Variants in PACSIN2 observed in about 807,000 individuals in gnomAD.
PACSIN2 encodes protein kinase C and casein kinase substrate in neurons protein 2.
PACSIN2 carries 25 observed loss-of-function variants against 63.8 expected under a neutral mutation model. That is an observed-to-expected ratio of 0.39 (90% CI 0.29 to 0.55). PACSIN2 has a LOEUF of 0.55. Among genes scored for constraint, PACSIN2 ranks in the 20% least tolerant of loss-of-function variants. The pLI is 0.62. For synonymous variants in PACSIN2, 255 were observed against 256.2 expected, an observed-to-expected ratio of 1.00 and a Z score of 0.05; for missense variants, 518 against 646.9, an observed-to-expected ratio of 0.80 and a Z score of 2.16.
At chr22:42,983,181 G>A (rs1298702856) in intron 1 of PACSIN2, among the ~76,000 whole-genome samples, 2 of 151,978 alleles carry the variant, frequency 1.3e-5, no homozygotes, top group African/African-American at 4.8e-5. Flanking sequence ...GCCGGCTGTG[G>A]TGACGCACAC....
At chr22:43,004,487 G>A (rs950578440) in intron 1 of PACSIN2, among the ~76,000 whole-genome samples, 1 of 152,146 alleles carries the variant, frequency 6.6e-6, no homozygotes, top group South Asian at 2.1e-4. Flanking sequence ...TGGCGAGCAG[G>A]CAGCCAGCTC....
intron 6 of PACSIN2, among the ~76,000 whole-genome samples, chr22:42,883,596 T>C (rs1204245596): frequency 1.3e-5 from 2 of 152,246 alleles, no homozygotes; most frequent in African/African-American, 4.8e-5. Flanking sequence ...GGGTATGTGC[T>C]GTCCTGGGGG....
At chr22:42,901,178 A>G (rs2146694675) in intron 2 of PACSIN2, among the ~76,000 whole-genome samples, 1 of 152,262 alleles carries the variant, frequency 6.6e-6, no homozygotes, top group East Asian at 1.9e-4. Context: ...CCTGGAGAGG[A>G]AGGGTCAAGG....
intron 9 of PACSIN2, 95 bp downstream of exon 9, chr22:42,876,793 T>C (rs1211428995): frequency 1.1e-5 from 17 of 1,525,316 alleles, no homozygotes; most frequent in African/African-American, 2.7e-5. Flanking sequence ...GCTCCGTGCA[T>C]TGCCGAGTGC....
Position 42,878,326 on chromosome 22 carries a change from TG to T in PACSIN2, c.1028+721del, listed in dbSNP as rs112848425. Among the ~76,000 whole-genome samples, 1,060 of 152,264 alleles carry T rather than the reference TG, an allele frequency of 7.0e-3. 17 individuals are homozygous for T. Among genetic ancestry groups the T allele is most frequent in the African/African-American group, 0.025 (1,022 of 41,544 alleles). The stretch of plus-strand genomic sequence containing the variant: ...AGCCACACCTGCTGGGGAGCCTGGG[TG>T]GGGGCTTCAGTGCCTGGGGCTGCAG... On this transcript the variant is annotated intron_variant, in intron 8 of 10. Coordinates refer to ENST00000263246, the MANE Select transcript of PACSIN2 (RefSeq NM_001184970.3).
intron 1 of PACSIN2, among the ~76,000 whole-genome samples, chr22:42,952,291 C>T (rs78167032): frequency 1.3e-3 from 200 of 152,106 alleles, no homozygotes; most frequent in Non-Finnish European, 2.4e-3. Context: ...ATCTTAATGA[C>T]TCTCCTGTTG....
intron 2 of PACSIN2, among the ~76,000 whole-genome samples, chr22:42,900,846 A>G (rs1930635150): frequency 6.6e-6 from 1 of 152,198 alleles, no homozygotes; most frequent in Non-Finnish European, 1.5e-5. Context: ...TGCAACAGAA[A>G]GAGAGGCCAC....
Position 42,879,084 on chromosome 22 carries a change from T to G in PACSIN2, c.992A>C (p.Gln331Pro). Residue 331 changes from glutamine to proline, a missense_variant, in exon 8 of 11, where the codon CAG becomes CCG. This residue lies in a region of PACSIN2 where 507 missense variants were observed against 612.3 expected (regional missense o/e 0.83). Transcript: ENST00000263246. ...ACTCGGCAGAGACTGGTCGCCTGTC[T>G]GGTTGATGCCCGTCAGGGTGACGCC... The part of the protein sequence containing the change: ...TDGVTLTGIN[Q>P]TGDQSLPSKP... The G allele has an allele frequency of 1.2e-6, 2 of 1,614,172 alleles. No homozygotes were observed. Among genetic ancestry groups the G allele is most frequent in the Non-Finnish European group, 1.7e-6 (2 of 1,180,006 alleles).
chr22:42,979,523 C>CAAAAAAAAAAA (rs768725896), intron 1 of PACSIN2, among the ~76,000 whole-genome samples: 1 of 61,644 alleles, frequency 1.6e-5, no homozygotes, highest in African/African-American at 6.2e-5. Context: ...GACTCCCTCT[C>CAAAAAAAAAAA]AAAAAAAAAA....
At chr22:42,894,335 G>C (rs1930132112) in intron 2 of PACSIN2, among the ~76,000 whole-genome samples, 1 of 152,074 alleles carries the variant, frequency 6.6e-6, no homozygotes, top group Non-Finnish European at 1.5e-5. Flanking sequence ...CCGCATCCCA[G>C]GTTCAAGTGA....
chr22:42,934,192 G>A (rs917280521), intron 1 of PACSIN2, among the ~76,000 whole-genome samples: 3 of 152,224 alleles, frequency 2.0e-5, no homozygotes, highest in Admixed American at 6.5e-5. Flanking sequence ...GTATGGAAAC[G>A]TGCAGAGAGC....
chr22:43,013,336 T>C (rs1330398216), intron 1 of PACSIN2, among the ~76,000 whole-genome samples: 1 of 152,214 alleles, frequency 6.6e-6, no homozygotes, highest in Non-Finnish European at 1.5e-5. Context: ...TTTAAGTCTA[T>C]TGTCAAAAGA....
intron 3 of PACSIN2, 45 bp downstream of exon 3, chr22:42,893,412 G>A (rs1339190834): frequency 1.3e-6 from 2 of 1,595,928 alleles, no homozygotes; most frequent in East Asian, 2.2e-5. Flanking sequence ...CCCGGCTGGG[G>A]TGTAGCTGCC....
chr22:42,897,920 G>A (rs373345978), intron 2 of PACSIN2, among the ~76,000 whole-genome samples: 1 of 152,222 alleles, frequency 6.6e-6, no homozygotes, highest in African/African-American at 2.4e-5. Flanking sequence ...AGTCAGCTGG[G>A]AATGGAACAC....
At position 42,876,872 on chromosome 22, in the gene PACSIN2, G is replaced by A; in HGVS notation, c.1151+16C>T. On this transcript the variant is annotated intron_variant, in intron 9 of 10. Transcript: ENST00000263246. ...AGTGAGCGCGGTGGGAGCAGAGGAA[G>A]CATTTGTTCACCAACTTTTTGGCCT... The A allele has an allele frequency of 6.2e-7, 1 of 1,613,960 alleles. No homozygotes were observed.
chr22:42,911,972 C>T, intron 2 of PACSIN2, 49 bp downstream of exon 2: 10 of 1,398,238 alleles, frequency 7.2e-6, no homozygotes, highest in Non-Finnish European at 9.0e-6. Flanking sequence ...GCCTGCCAGA[C>T]ACTATTGGCC....
intron 1 of PACSIN2, among the ~76,000 whole-genome samples, chr22:43,012,307 C>CAAAA (rs35192048): frequency 3.9e-5 from 2 of 51,806 alleles, no homozygotes; most frequent in African/African-American, 1.6e-4. Context: ...GACTCTCTCT[C>CAAAA]AAAAAAAAAA....
intron 1 of PACSIN2, among the ~76,000 whole-genome samples, chr22:43,013,125 T>A (rs1481546720): frequency 1.3e-5 from 2 of 152,184 alleles, no homozygotes; most frequent in African/African-American, 4.8e-5. Flanking sequence ...CAACTTCATA[T>A]ACATTTGAGA....
At chr22:42,883,642 G>C (rs138716237) in intron 6 of PACSIN2, among the ~76,000 whole-genome samples, 2 of 152,326 alleles carry the variant, frequency 1.3e-5, no homozygotes, top group African/African-American at 4.8e-5. Flanking sequence ...ATCACAAAGG[G>C]CCTCAAAGAA....
Sources: allele counts gnomAD v4.1 joint callset (sites outside exome capture counted in the v4.1 genomes callset), GRCh38; gene constraint gnomAD v4.1.1; regional missense constraint gnomAD v4.1.1; transcripts MANE v1.5; gene names NCBI Gene and HGNC (gene_info 2026-07-23, HGNC 2026-07-21).